The following POLE2 variants were observed in gnomAD, a reference collection of about 807,000 sequenced individuals.
POLE2 encodes DNA polymerase epsilon 2, accessory subunit, also known as DNA polymerase epsilon subunit 2.
A neutral mutation model predicts 79.4 loss-of-function variants in POLE2; 56 were observed. The observed-to-expected ratio is 0.71, with a 90% CI of 0.57 to 0.88. POLE2 has a LOEUF of 0.88. Among genes scored for constraint, POLE2 ranks in the 40% least tolerant of loss-of-function variants. POLE2 has a pLI of 0.00. For missense variants in POLE2, 598 were observed against 638.9 expected (o/e 0.94, Z 0.69); for synonymous variants, 212 against 214.0 (o/e 0.99, Z 0.08).
chr14:49,667,457 A>G (rs1482690844), intron 6 of POLE2, among the ~76,000 whole-genome samples: 1 of 152,134 alleles, frequency 6.6e-6, no homozygotes, highest in East Asian at 1.9e-4. Context: ...CCAAACTCCT[A>G]TTAAAGGACA....
chr14:49,683,139 C>T lies in POLE2; in HGVS notation c.169+454G>A, dbSNP rs893142776. Among the ~76,000 whole-genome samples the T allele has an allele frequency of 4.9e-4, 74 of 152,136 alleles. 1 individual carries two copies. The highest frequency in any genetic ancestry group is 1.3e-3 in the African/African-American group (55 of 41,418). ...AAAAAAGGCCGGGTGTGGTGGCTCC[C>T]GCCTGTAATCCTAGCACTTTGGGAG... On this transcript the variant is annotated intron_variant, in intron 2 of 18. Transcript: ENST00000216367.
intron 3 of POLE2, among the ~76,000 whole-genome samples, chr14:49,675,295 G>A (rs1465864101): frequency 6.6e-6 from 1 of 151,908 alleles, no homozygotes; most frequent in Non-Finnish European, 1.5e-5. Context: ...TGTTGGTCAG[G>A]CTGGTCACTA....
At chr14:49,665,383 A>G (rs1362122495) in intron 7 of POLE2, among the ~76,000 whole-genome samples, 1 of 152,146 alleles carries the variant, frequency 6.6e-6, no homozygotes, top group Admixed American at 6.6e-5. Context: ...ATGGAGAATG[A>G]CTCCTACAGA....
intron 9 of POLE2, among the ~76,000 whole-genome samples, chr14:49,663,714 A>T (rs989934453): frequency 6.6e-6 from 1 of 152,172 alleles, no homozygotes; most frequent in Non-Finnish European, 1.5e-5. Context: ...TTCACATACT[A>T]TACAATTCAC....
chr14:49,661,226 A>C (rs1594580412), intron 10 of POLE2, among the ~76,000 whole-genome samples: 1 of 152,276 alleles, frequency 6.6e-6, no homozygotes, highest in East Asian at 1.9e-4. Context: ...AAAAAAAACT[A>C]AACTGATATC....
chr14:49,644,962 A>C (rs894236725), intron 18 of POLE2, among the ~76,000 whole-genome samples: 1 of 150,770 alleles, frequency 6.6e-6, no homozygotes. Flanking sequence ...GAATCGCTTG[A>C]ACCCAAGAGA....
rs752678386 is a variant in POLE2, at chr14:49,654,231, C to A, written c.1074-17G>T. 6.4e-7 allele frequency: 1 copy of A among 1,566,688 alleles called. No individual in the cohort carries two copies. Among genetic ancestry groups the A allele is most frequent in the Non-Finnish European group, 8.8e-7 (1 of 1,141,372 alleles). On this transcript the variant is annotated splice_polypyrimidine_tract_variant and intron_variant, in intron 13 of 18. Transcript: ENST00000216367. ...AAACGACTACTGTAGCAAAATTCAA[C>A]ACAATTCATTTAAAAATATTATTGT...
intron 2 of POLE2, among the ~76,000 whole-genome samples, chr14:49,682,181 A>G (rs1594619520): frequency 6.8e-6 from 1 of 147,760 alleles, no homozygotes; most frequent in African/African-American, 2.5e-5. Flanking sequence ...ATTTTTGTAT[A>G]TTTAGTAGAG....
chr14:49,659,859 G>A (rs185249711), intron 10 of POLE2, among the ~76,000 whole-genome samples: 113 of 152,268 alleles, frequency 7.4e-4, no homozygotes, highest in Admixed American at 1.4e-3. Flanking sequence ...TGCTAGGATT[G>A]ATTATAGGTG....
chr14:49,668,482 C>T (rs1194405626), intron 6 of POLE2, among the ~76,000 whole-genome samples: 1 of 148,110 alleles, frequency 6.8e-6, no homozygotes, highest in East Asian at 2.0e-4. Flanking sequence ...GAACCTAAAA[C>T]AACACAAGAG....
At chr14:49,646,302 G>GTTTTTTTTGTTTTTTTTTTTTTTTT in intron 18 of POLE2, among the ~76,000 whole-genome samples, 1 of 84,554 alleles carries the variant, frequency 1.2e-5, no homozygotes. Flanking sequence ...TTTTTTGTTG[G>GTTTTTTTTGTTTTTTTTTTTTTTTT]TTTTTTTTTT....
intron 10 of POLE2, among the ~76,000 whole-genome samples, chr14:49,660,851 A>G (rs1469211288): frequency 6.6e-6 from 1 of 152,218 alleles, no homozygotes; most frequent in Non-Finnish European, 1.5e-5. Flanking sequence ...AGATGGTGCC[A>G]TTGCACTCCA....
chr14:49,643,599 T>TA lies in POLE2; in HGVS notation c.*52dup, dbSNP rs1485657791. The TA allele has an allele frequency of 4.1e-5, 38 of 932,488 alleles. No homozygotes were observed. In the African/African-American group the frequency reaches 6.1e-4, roughly 15 times the overall value. The allele number at this position is 932,488 out of a possible 1,614,324, so 57.8% of individuals were successfully genotyped here. ...ATTGTAATATCAGAATCACATAAGA[T>TA]ATAGAGTTAAGCAGAAAACTGATGA... On this transcript the variant is annotated 3_prime_UTR_variant, in exon 19 of 19. Transcript: ENST00000216367.
chr14:49,674,525 CTT>C (rs1379089820), intron 3 of POLE2, 98 bp from the exon 4 acceptor site: 6 of 742,116 alleles, frequency 8.1e-6, no homozygotes, highest in Non-Finnish European at 9.4e-6. Flanking sequence ...TAATAACACA[CTT>C]TTCACATTTT....
At chr14:49,653,254 AGCCAGAGGACACTGGAGAAG>A (rs1884409558) in intron 15 of POLE2, among the ~76,000 whole-genome samples, 1 of 152,242 alleles carries the variant, frequency 6.6e-6, no homozygotes, top group Non-Finnish European at 1.5e-5. Context: ...TGATACTTAA[AGCCAGAGGACACTGGAGAAG>A]GCCAGCAAAG....
chr14:49,682,694 A>G lies in POLE2; in HGVS notation c.169+899T>C, dbSNP rs537439430. Among the ~76,000 whole-genome samples, 66 of 150,424 alleles carry G rather than the reference A, an allele frequency of 4.4e-4. No individual in the cohort carries two copies. The South Asian group carries it at 0.013, about 31-fold the overall frequency. On this transcript the variant is annotated intron_variant, in intron 2 of 18. Coordinates refer to ENST00000216367, the MANE Select transcript of POLE2 (RefSeq NM_002692.4). Reference sequence around the variant, plus strand: ...CTATTTTCTACAGTTTGCTTTCAGTAAAATGCCTTCCAACTCTGTTTAGTG... The same window carrying G: ...CTATTTTCTACAGTTTGCTTTCAGTGAAATGCCTTCCAACTCTGTTTAGTG...
chr14:49,645,043 C>CAGAAAAAAAAAAAAA (rs1883661776), intron 18 of POLE2, among the ~76,000 whole-genome samples: 1 of 88,320 alleles, frequency 1.1e-5, no homozygotes, highest in Non-Finnish European at 2.4e-5. Flanking sequence ...CTCCGTCTCA[C>CAGAAAAAAAAAAAAA]AAAAAAAAAA....
At position 49,665,132 on chromosome 14, in the gene POLE2, G is replaced by C; in HGVS notation, c.608C>G (p.Thr203Arg). ...AGCTTTACTAAGGTCTAGTTGGACTGTTCCAGTAGGATCTTCCAGAAAAAA... is the reference window on the plus strand; with the variant it reads ...AGCTTTACTAAGGTCTAGTTGGACTCTTCCAGTAGGATCTTCCAGAAAAAA... ...GKFFLEDPTG[T>R]VQLDLSKAQF... The change falls in exon 8 of 19, where the codon ACA (threonine) becomes AGA (arginine). Residue 203 changes from threonine (T) to arginine (R), a missense_variant. By Grantham distance (71) the Thr-to-Arg change is moderately conservative (BLOSUM62 -1). Coordinates refer to ENST00000216367, the MANE Select transcript of POLE2 (RefSeq NM_002692.4). 7.1e-7 allele frequency: 1 copy of C among 1,410,104 alleles called. No individual in the cohort carries two copies. Among genetic ancestry groups the C allele is most frequent in the Non-Finnish European group, 1.0e-6 (1 of 998,716 alleles). 87.3% of individuals were successfully genotyped at this position (1,410,104 alleles called of 1,614,324 possible). A position where few individuals can be genotyped will look rare whatever the true frequency, so the allele number is the denominator to read the frequency against.
chr14:49,684,358 G>A (rs1283863908), intron 1 of POLE2, among the ~76,000 whole-genome samples: 7 of 151,960 alleles, frequency 4.6e-5, no homozygotes, highest in African/African-American at 9.7e-5. Flanking sequence ...CCAGATACTC[G>A]GGAGACTGAG....
Sources: gnomAD v4.1 joint callset for allele counts (sites outside exome capture counted in the v4.1 genomes callset) on GRCh38, gnomAD v4.1.1 for gene constraint, MANE v1.5 for transcripts, NCBI Gene and HGNC (gene_info 2026-07-23, HGNC 2026-07-21) for gene names.